The following CAMSAP3 variants were observed in gnomAD, a reference collection of about 807,000 sequenced individuals.
CAMSAP3 encodes calmodulin-regulated spectrin-associated protein 3.
A neutral mutation model predicts 112.5 loss-of-function variants in CAMSAP3; 34 were observed. The observed-to-expected ratio is 0.30, with a 90% CI of 0.23 to 0.40. The LOEUF is 0.40. Among genes scored for constraint, CAMSAP3 ranks in the 10% least tolerant of loss-of-function variants. The pLI is 1.00. For missense variants in CAMSAP3, 1,602 were observed against 1,770.3 expected (o/e 0.90, Z 1.71); for synonymous variants, 868 against 799.8 (o/e 1.09, Z -1.44).
Position 7,611,629 on chromosome 19 carries a change from A to C in CAMSAP3, c.1193+43A>C, listed in dbSNP as rs2030490845. 5 of 1,595,632 alleles carry C rather than the reference A, an allele frequency of 3.1e-6. No individual in the cohort carries two copies. The East Asian group carries it at 1.1e-4, about 36-fold the overall frequency. ...GCCAGGGTAGGGGGTGGAGCAGGCT[A>C]GGGCGGGTTGGGGCCGAGGCTGGTC... On this transcript the variant is annotated intron_variant, in intron 10 of 16. Coordinates refer to ENST00000160298, the MANE Select transcript of CAMSAP3 (RefSeq NM_020902.2). This position sits in a 1 kb window ranked among gnomAD's most constrained non-coding sequence, Gnocchi z 6.9.
At chr19:7,608,011 C>T in intron 4 of CAMSAP3, 115 bp from the exon 5 acceptor site, 3 of 1,301,126 alleles carry the variant, frequency 2.3e-6, no homozygotes, top group African/African-American at 1.5e-5. Flanking sequence ...GTCTCTGGGA[C>T]CCCCAGCTTC....
At position 7,611,625 on chromosome 19, in the gene CAMSAP3, G is replaced by C. The variant is rs751537977; in HGVS notation, c.1193+39G>C. 3.1e-6 allele frequency: 5 copies of C among 1,595,778 alleles called. No individual in the cohort carries two copies. In the South Asian group the frequency reaches 5.6e-5, roughly 18 times the overall value. ...ACAGGCCAGGGTAGGGGGTGGAGCA[G>C]GCTAGGGCGGGTTGGGGCCGAGGCT... On this transcript the variant is annotated intron_variant, in intron 10 of 16. Coordinates refer to ENST00000160298, the MANE Select transcript of CAMSAP3 (RefSeq NM_020902.2). The surrounding 1 kb of genome is among the most constrained non-coding windows in gnomAD (Gnocchi z 6.9).
At chr19:7,599,644 CCACCCACCCACCCCA>C in intron 1 of CAMSAP3, among the ~76,000 whole-genome samples, 1 of 41,302 alleles carries the variant, frequency 2.4e-5, no homozygotes, top group Non-Finnish European at 4.7e-5. Context: ...ATCCATCCAC[CCACCCACCCACCCCA>C]CTCATCCATC....
chr19:7,615,928 G>A lies in CAMSAP3; in HGVS notation c.3112+209G>A, dbSNP rs958383689. ...TAGGGGGCCGGGCGCGGTGGCTCAC[G>A]CCTGTAATCCCAGCACTTTGGGAGG... On this transcript the variant is annotated intron_variant, in intron 13 of 16. Transcript: ENST00000160298. This position sits in a 1 kb window ranked among gnomAD's most constrained non-coding sequence, Gnocchi z 6.5. Among the ~76,000 whole-genome samples, 2 of 152,048 alleles carry A rather than the reference G, an allele frequency of 1.3e-5. No individual in the cohort carries two copies. The highest frequency in any genetic ancestry group is 2.9e-5 in the Non-Finnish European group (2 of 67,970).
intron 1 of CAMSAP3, among the ~76,000 whole-genome samples, chr19:7,598,605 C>T (rs534385434): frequency 1.6e-4 from 25 of 152,152 alleles, no homozygotes; most frequent in African/African-American, 5.3e-4. Context: ...CTGGCCAACA[C>T]GATGAATCCC....
intron 1 of CAMSAP3, among the ~76,000 whole-genome samples, chr19:7,597,452 T>C (rs913939681): frequency 6.6e-6 from 1 of 152,226 alleles, no homozygotes; most frequent in African/African-American, 2.4e-5. Flanking sequence ...GAAGTCCAGC[T>C]GCACCAGAAT....
chr19:7,601,760 TAAATA>T (rs2029978898), intron 1 of CAMSAP3, among the ~76,000 whole-genome samples: 2 of 122,818 alleles, frequency 1.6e-5, no homozygotes, highest in Non-Finnish European at 3.4e-5. Context: ...AATAAATGAA[TAAATA>T]AAATAAAAAG....
chr19:7,612,761 C>A lies in CAMSAP3; in HGVS notation c.2268C>A (p.Ser756=), dbSNP rs1289185938. Residue 756 remains serine, a synonymous_variant, in exon 11 of 17, where the codon TCC becomes TCA. Transcript: ENST00000160298. ...CCACGACGGGGCCCAAAGCTGCATC[C>A]CCCAGCCCCGCCCGGCGAGTCCCGG... ...PGPTTGPKAA[S]PSPARRVPAT... is the part of the protein sequence containing the mutation. 3.9e-6 allele frequency: 6 copies of A among 1,531,158 alleles called. No homozygotes were observed. Among genetic ancestry groups the A allele is most frequent in the Non-Finnish European group, 5.2e-6 (6 of 1,144,034 alleles). The allele number at this position is 1,531,158 out of a possible 1,614,324, so 94.8% of individuals were successfully genotyped here.
chr19:7,606,647 A>C, intron 4 of CAMSAP3, 76 bp downstream of exon 4: 1 of 1,533,524 alleles, frequency 6.5e-7, no homozygotes, highest in Non-Finnish European at 8.8e-7. Flanking sequence ...CTTCCTGGAC[A>C]CTCCTGAAGT....
chr19:7,598,654 G>A (rs1400656404), intron 1 of CAMSAP3, among the ~76,000 whole-genome samples: 1 of 152,158 alleles, frequency 6.6e-6, no homozygotes, highest in Non-Finnish European at 1.5e-5. Flanking sequence ...CGGGAATGAT[G>A]GCACACGTCT....
chr19:7,611,662 C>A lies in CAMSAP3; in HGVS notation c.1194-25C>A. 1 of 1,572,320 alleles carries A rather than the reference C, an allele frequency of 6.4e-7. No homozygotes were observed. The highest frequency in any genetic ancestry group is 8.7e-7 in the Non-Finnish European group (1 of 1,155,914). On this transcript the variant is annotated intron_variant, in intron 10 of 16. Transcript: ENST00000160298. The surrounding 1 kb of genome is among the most constrained non-coding windows in gnomAD (Gnocchi z 6.9). ...TTGGGGCCGAGGCTGGTCCCAGGGG[C>A]TGACCCCTCCCTCCGGCCGCCCAGC...
In CAMSAP3 at chr19:7,611,549, A is replaced by G. The variant is rs1352706308; in HGVS notation, c.1156A>G (p.Met386Val). Residue 386 changes from methionine (M) to valine (V), a missense_variant, in exon 10 of 17, where the codon ATG (methionine) becomes GTG (valine). This residue lies in a region of CAMSAP3 where 1,100 missense variants were observed against 1,135.7 expected (regional missense o/e 0.97). Coordinates refer to ENST00000160298, the MANE Select transcript of CAMSAP3 (RefSeq NM_020902.2). This position sits in a 1 kb window ranked among gnomAD's most constrained non-coding sequence, Gnocchi z 6.9. ...GAAGTCTTCCCCGTCCATGTCCCAT[A>G]TGGAGGCCCTGGGCAAGGCCTGGAA... ...SLKSSPSMSHMEALGKAWNRQ... is the reference protein window; with the variant it reads ...SLKSSPSMSHVEALGKAWNRQ... 5 of 1,612,406 alleles carry G rather than the reference A, an allele frequency of 3.1e-6. No homozygotes were observed. The African/African-American group carries it at 5.3e-5, about 17-fold the overall frequency.
Position 7,611,173 on chromosome 19 carries a change from G to C in CAMSAP3, c.1123+5G>C. 2.5e-6 allele frequency: 4 copies of C among 1,613,290 alleles called. No individual in the cohort carries two copies. Among genetic ancestry groups the C allele is most frequent in the Non-Finnish European group, 2.5e-6 (3 of 1,179,888 alleles). On this transcript the variant is annotated splice_donor_5th_base_variant and intron_variant, in intron 9 of 16. Coordinates refer to ENST00000160298, the MANE Select transcript of CAMSAP3 (RefSeq NM_020902.2). This position sits in a 1 kb window ranked among gnomAD's most constrained non-coding sequence, Gnocchi z 6.9. ...CCCCACTCCGAGGATCCACAGGTGAGGAGGGGGTAGGTGGCTTCTGTCACG... is the reference window on the plus strand; with the variant it reads ...CCCCACTCCGAGGATCCACAGGTGACGAGGGGGTAGGTGGCTTCTGTCACG...
chr19:7,610,790 C>T lies in CAMSAP3; in HGVS notation c.991C>T (p.His331Tyr), dbSNP rs1257543346. The T allele has an allele frequency of 6.2e-7, 1 of 1,613,298 alleles. No individual in the cohort carries two copies. Among genetic ancestry groups the T allele is most frequent in the African/African-American group, 1.3e-5 (1 of 74,930 alleles). Residue 331 changes from histidine (H) to tyrosine (Y), a missense_variant, in exon 7 of 17, where the codon CAC (histidine) becomes TAC (tyrosine). Physicochemically the swap from His to Tyr is moderately conservative, Grantham distance 83. This residue lies in a region of CAMSAP3 where 1,100 missense variants were observed against 1,135.7 expected (regional missense o/e 0.97). Transcript: ENST00000160298. The surrounding 1 kb of genome is among the most constrained non-coding windows in gnomAD (Gnocchi z 4.9). Reference protein sequence around the residue: ...FVQVKDLPDGHAASPRGTEAS... With the variant: ...FVQVKDLPDGYAASPRGTEAS... ...GCAAGTGAAGGACTTGCCCGATGGT[C>T]ACGGTGAGGCCCTGGGGGCCTGGGG... is the stretch of plus-strand genomic sequence containing the variant.
In CAMSAP3 at chr19:7,617,736, C is replaced by T. The variant is rs369045221; in HGVS notation, c.3445-16C>T. The T allele has an allele frequency of 1.9e-6, 3 of 1,611,838 alleles. No individual in the cohort carries two copies. Among genetic ancestry groups the T allele is most frequent in the Admixed American group, 1.7e-5 (1 of 59,972 alleles). On this transcript the variant is annotated splice_polypyrimidine_tract_variant and intron_variant, in intron 16 of 16. Transcript: ENST00000160298. This position sits in a 1 kb window ranked among gnomAD's most constrained non-coding sequence, Gnocchi z 7.5. ...CCTGACTTGGCCAGCTGACCATTTCCAGCACTCCTGCCCAGGAAATTGAGA... is the reference window on the plus strand; with the variant it reads ...CCTGACTTGGCCAGCTGACCATTTCTAGCACTCCTGCCCAGGAAATTGAGA...
intron 11 of CAMSAP3, among the ~76,000 whole-genome samples, chr19:7,614,247 G>A (rs1391259100): frequency 4.2e-5 from 3 of 71,500 alleles, no homozygotes; most frequent in African/African-American, 5.5e-5. Context: ...GCAACAGAGC[G>A]AGACTCCATC....
chr19:7,615,641 G>C lies in CAMSAP3; in HGVS notation c.3034G>C (p.Gly1012Arg). The C allele has an allele frequency of 7.0e-7, 1 of 1,431,208 alleles. No individual in the cohort carries two copies. Among genetic ancestry groups the C allele is most frequent in the Non-Finnish European group, 9.1e-7 (1 of 1,096,646 alleles). 88.7% of individuals were successfully genotyped at this position (1,431,208 alleles called of 1,614,324 possible). The change falls in exon 13 of 17, where the codon GGG becomes CGG. Residue 1012 changes from glycine (G) to arginine (R), a missense_variant. Transcript: ENST00000160298. This position sits in a 1 kb window ranked among gnomAD's most constrained non-coding sequence, Gnocchi z 6.5. ...GGGGTCCGGGGGTCCAGGTCGGGGCGGGCGGAGGGCCACCCGGCCTCGCTC... is the reference window on the plus strand; with the variant it reads ...GGGGTCCGGGGGTCCAGGTCGGGGCCGGCGGAGGGCCACCCGGCCTCGCTC... ...AAGSGGPGRG[G>R]RRATRPRSGC...
In CAMSAP3 at chr19:7,605,413, C is replaced by T. The variant is rs1228551400; in HGVS notation, c.336C>T (p.Gly112=). 1 of 1,505,266 alleles carries T rather than the reference C, an allele frequency of 6.6e-7. No homozygotes were observed. The highest frequency in any genetic ancestry group is 8.9e-7 in the Non-Finnish European group (1 of 1,122,886). The allele number at this position is 1,505,266 out of a possible 1,614,324, so 93.2% of individuals were successfully genotyped here. A position where few individuals can be genotyped will look rare whatever the true frequency, so the allele number is the denominator to read the frequency against. ...SALLALLARR[G]TVPALPERPV... ...TGCTGGCCCTGCTGGCGCGGAGGGG[C>T]ACAGTGCCTGCTTTGCCCGAGCGCC... The change falls in exon 2 of 17, where the codon GGC becomes GGT. Residue 112 remains glycine (G), a synonymous_variant. Coordinates refer to ENST00000160298, the MANE Select transcript of CAMSAP3 (RefSeq NM_020902.2).
At chr19:7,597,829 G>A (rs1320557838) in intron 1 of CAMSAP3, among the ~76,000 whole-genome samples, 1 of 152,202 alleles carries the variant, frequency 6.6e-6, no homozygotes, top group Non-Finnish European at 1.5e-5. Context: ...CTTCTGATGA[G>A]GGGTGTTGGT....
Sources: allele counts gnomAD v4.1 joint callset (sites outside exome capture counted in the v4.1 genomes callset), GRCh38; gene constraint gnomAD v4.1.1; regional missense constraint gnomAD v4.1.1; non-coding constraint Gnocchi (gnomAD v3.1); transcripts MANE v1.5; gene names NCBI Gene and HGNC (gene_info 2026-07-23, HGNC 2026-07-21).